The following PALS2 variants were observed in gnomAD, a reference collection of about 807,000 sequenced individuals.
PALS2 encodes the protein protein PALS2.
PALS2 carries 27 observed loss-of-function variants against 61.6 expected under a neutral mutation model. The ratio of observed to expected loss-of-function variants is 0.44; its 90% CI spans 0.32 to 0.60. The LOEUF (loss-of-function observed/expected upper bound fraction) is 0.60, where lower values mean the gene tolerates loss of function less well. PALS2 is among the 20% of genes least tolerant of loss of function. The pLI, the probability that PALS2 is intolerant of heterozygous loss-of-function variation, is 0.05. For synonymous variants in PALS2, 236 were observed against 218.6 expected (o/e 1.08, Z -0.70); for missense variants, 554 against 639.4 (o/e 0.87, Z 1.44).
At chr7:24,664,632 T>C (rs978738962) in intron 6 of PALS2, among the ~76,000 whole-genome samples, 1 of 152,180 alleles carries the variant, frequency 6.6e-6, no homozygotes, top group Non-Finnish European at 1.5e-5. Context: ...ATCTTACTTA[T>C]GTGTCCTTAA....
intron 11 of PALS2, among the ~76,000 whole-genome samples, chr7:24,685,624 C>T (rs943793484): frequency 2.7e-5 from 4 of 149,952 alleles, no homozygotes; most frequent in Admixed American, 1.3e-4. Context: ...ATCTGTATGG[C>T]ATACTCCGTT....
chr7:24,666,121 G>A lies in PALS2; in HGVS notation c.952+32G>A, dbSNP rs542808161. ...TTTAAATACTTTTTGAGAAGTCCAA[G>A]TGAAGTAGCTATATGTCATTTAGTG... is the stretch of plus-strand genomic sequence containing the variant. On this transcript the variant is annotated intron_variant, in intron 8 of 11. Transcript: ENST00000222644. The A allele has an allele frequency of 3.3e-4, 509 of 1,550,226 alleles. 5 individuals are homozygous for A. The South Asian group carries it at 5.4e-3, about 16-fold the overall frequency.
chr7:24,603,568 C>T (rs1482277003), intron 1 of PALS2, among the ~76,000 whole-genome samples: 1 of 152,130 alleles, frequency 6.6e-6, no homozygotes, highest in Admixed American at 6.5e-5. Context: ...AATGCATTTC[C>T]CAGTCCATCA....
rs1325573875 is a variant in PALS2, at chr7:24,688,754, A to G, written c.*1140A>G. On this transcript the variant is annotated 3_prime_UTR_variant, in exon 12 of 12. Transcript: ENST00000222644. Reference sequence around the variant, plus strand: ...ATATAATATGTATATTATGTATTATATAATATATATAAAATGTTTTGTATA... The same window carrying G: ...ATATAATATGTATATTATGTATTATGTAATATATATAAAATGTTTTGTATA... The G allele has an allele frequency of 6.7e-6, 1 of 149,494 alleles. No homozygotes were observed. Among genetic ancestry groups the G allele is most frequent in the Non-Finnish European group, 1.5e-5 (1 of 67,522 alleles). The allele number at this position is 149,494 out of a possible 1,614,324, so 9.3% of individuals were successfully genotyped here. A position where few individuals can be genotyped will look rare whatever the true frequency, so the allele number is the denominator to read the frequency against.
intron 1 of PALS2, among the ~76,000 whole-genome samples, chr7:24,620,887 G>C (rs991308743): frequency 3.3e-5 from 5 of 152,044 alleles, no homozygotes; most frequent in Admixed American, 3.3e-4. Flanking sequence ...CTAATTGTTG[G>C]AGCTGATCAT....
chr7:24,680,668 T>C, intron 11 of PALS2, 148 bp downstream of exon 11: 1 of 1,093,322 alleles, frequency 9.1e-7, no homozygotes, highest in Non-Finnish European at 1.2e-6. Flanking sequence ...CGATCTCAGC[T>C]CGTTGCAACC....
chr7:24,669,156 C>T (rs999524248), intron 9 of PALS2, among the ~76,000 whole-genome samples: 3 of 152,176 alleles, frequency 2.0e-5, no homozygotes, highest in African/African-American at 7.2e-5. Flanking sequence ...TCATCTTTTA[C>T]TGCAGGCAGC....
chr7:24,588,821 TTCA>T (rs964173662), intron 1 of PALS2, among the ~76,000 whole-genome samples: 5 of 152,204 alleles, frequency 3.3e-5, no homozygotes, highest in African/African-American at 4.8e-5. Flanking sequence ...AGCAAAATAA[TTCA>T]TCATAATATG....
At chr7:24,580,481 G>C (rs773551658) in intron 1 of PALS2, among the ~76,000 whole-genome samples, 1 of 152,128 alleles carries the variant, frequency 6.6e-6, no homozygotes, top group Non-Finnish European at 1.5e-5. Context: ...CTCTCACCAG[G>C]TCAATACTTC....
chr7:24,682,201 A>T (rs1349190239), intron 11 of PALS2, among the ~76,000 whole-genome samples: 1 of 152,004 alleles, frequency 6.6e-6, no homozygotes, highest in East Asian at 1.9e-4. Flanking sequence ...CCCATTTGGT[A>T]CTCCTACCAC....
chr7:24,665,810 TTC>T, intron 7 of PALS2, 123 bp downstream of exon 7: 1 of 990,812 alleles, frequency 1.0e-6, no homozygotes, highest in East Asian at 2.6e-5. Flanking sequence ...TCCCTCTGCT[TTC>T]TCTCGCTCAT....
intron 1 of PALS2, among the ~76,000 whole-genome samples, chr7:24,612,070 T>C (rs993529769): frequency 1.3e-5 from 2 of 152,034 alleles, no homozygotes; most frequent in Non-Finnish European, 2.9e-5. Flanking sequence ...CCTACCACTT[T>C]TAAGCTTTGA....
chr7:24,674,579 A>G, intron 9 of PALS2: 1 of 152,240 alleles, frequency 6.6e-6, no homozygotes, highest in Non-Finnish European at 1.5e-5. Flanking sequence ...GAGCCTGGTC[A>G]GCTCTGTCTG....
At chr7:24,651,863 A>G (rs1376975448) in intron 5 of PALS2, among the ~76,000 whole-genome samples, 1 of 152,224 alleles carries the variant, frequency 6.6e-6, no homozygotes, top group Non-Finnish European at 1.5e-5. Context: ...TTGAAATAAC[A>G]TTTCATTGAA....
intron 1 of PALS2, among the ~76,000 whole-genome samples, chr7:24,591,297 A>T (rs988970824): frequency 2.0e-5 from 3 of 152,146 alleles, no homozygotes; most frequent in African/African-American, 7.2e-5. Context: ...TTGGCTGTAA[A>T]AGAGGGACAG....
At chr7:24,577,502 G>C (rs150238350) in intron 1 of PALS2, among the ~76,000 whole-genome samples, 1 of 151,880 alleles carries the variant, frequency 6.6e-6, no homozygotes, top group Non-Finnish European at 1.5e-5. Flanking sequence ...TGCTAGTTTT[G>C]TACATGATTT....
chr7:24,585,085 GT>G (rs1783007638), intron 1 of PALS2, among the ~76,000 whole-genome samples: 1 of 152,160 alleles, frequency 6.6e-6, no homozygotes, highest in Non-Finnish European at 1.5e-5. Flanking sequence ...ATAGTTTGAA[GT>G]CAGGTAGTGT....
At chr7:24,581,312 C>T (rs1782836490) in intron 1 of PALS2, among the ~76,000 whole-genome samples, 1 of 151,320 alleles carries the variant, frequency 6.6e-6, no homozygotes, top group South Asian at 2.1e-4. Context: ...GGAAATCTCC[C>T]TCTGTGAAGG....
chr7:24,588,080 C>A (rs1783141468), intron 1 of PALS2, among the ~76,000 whole-genome samples: 1 of 152,088 alleles, frequency 6.6e-6, no homozygotes, highest in African/African-American at 2.4e-5. Flanking sequence ...CTAAGCAATT[C>A]ATTGGGACAG....
Sources: allele counts gnomAD v4.1 joint callset (sites outside exome capture counted in the v4.1 genomes callset), GRCh38; gene constraint gnomAD v4.1.1; transcripts MANE v1.5; gene names NCBI Gene and HGNC (gene_info 2026-07-23, HGNC 2026-07-21).